The following RSPO3 variants were observed in gnomAD, a reference collection of about 807,000 sequenced individuals.
RSPO3 encodes the protein R-spondin 3, also known as R-spondin-3.
A neutral mutation model predicts 36.5 loss-of-function variants in RSPO3; 17 were observed. The ratio of observed to expected loss-of-function variants is 0.47; its 90% CI spans 0.32 to 0.70. RSPO3 has a LOEUF of 0.70. RSPO3 is among the 30% of genes least tolerant of loss of function. RSPO3 has a pLI of 0.04. For synonymous variants in RSPO3, 108 were observed against 107.0 expected (o/e 1.01, Z -0.06); for missense variants, 294 against 322.5 (o/e 0.91, Z 0.68).
intron 1 of RSPO3, among the ~76,000 whole-genome samples, chr6:127,139,689 C>G (rs1352599311): frequency 6.6e-6 from 1 of 152,088 alleles, no homozygotes; most frequent in Non-Finnish European, 1.5e-5. Context: ...ACTGTTGGAT[C>G]TGTCTTATGA....
chr6:127,146,370 A>G (rs1045068937), intron 1 of RSPO3, among the ~76,000 whole-genome samples: 3 of 152,130 alleles, frequency 2.0e-5, no homozygotes, highest in African/African-American at 7.2e-5. Flanking sequence ...TAAAAGTTTT[A>G]GAGACAGAGG....
intron 2 of RSPO3, 65 bp downstream of exon 2, chr6:127,148,904 C>A: frequency 1.7e-6 from 2 of 1,198,122 alleles, no homozygotes; most frequent in Non-Finnish European, 2.4e-6. Context: ...TTGAAATGGC[C>A]TCTAATATAT....
intron 1 of RSPO3, among the ~76,000 whole-genome samples, chr6:127,142,200 T>C (rs772064842): frequency 2.0e-4 from 30 of 152,182 alleles, no homozygotes; most frequent in Non-Finnish European, 4.3e-4. Context: ...ATTATATTTA[T>C]TCAGAAAATC....
chr6:127,174,034 A>C (rs1774996725), intron 4 of RSPO3, among the ~76,000 whole-genome samples: 1 of 151,890 alleles, frequency 6.6e-6, no homozygotes, highest in South Asian at 2.1e-4. Context: ...GATTTCCTTT[A>C]GCAGTATTAT....
rs73771623 is a variant in RSPO3 at position 127,187,534 on chromosome 6, T to C, written c.635-8289T>C. On this transcript the variant is annotated intron_variant, in intron 4 of 4. Transcript: ENST00000356698. Reference sequence around the variant, plus strand: ...ACAAGTAAGAATGAGAATAAATTTATATGCTTATTTAATAGATACAATTAT... The same window carrying C: ...ACAAGTAAGAATGAGAATAAATTTACATGCTTATTTAATAGATACAATTAT... Among the ~76,000 whole-genome samples, 824 of 152,254 alleles carry C rather than the reference T, an allele frequency of 5.4e-3. 6 individuals carry two copies. The highest frequency in any genetic ancestry group is 0.018 in the African/African-American group (753 of 41,572).
At chr6:127,157,385 C>A (rs1371980344) in intron 4 of RSPO3, among the ~76,000 whole-genome samples, 2 of 151,974 alleles carry the variant, frequency 1.3e-5, no homozygotes, top group South Asian at 2.1e-4. Flanking sequence ...CATTTTATTT[C>A]TTTTACTTGA....
At position 127,141,739 on chromosome 6, in the gene RSPO3, G is replaced by C. The variant is rs1331533019; in HGVS notation, c.98-6909G>C. ...ATTTAGTAGGATAAAAGATACAGTA[G>C]ACTCTATTATCCTAGCTGTTAAAGT... On this transcript the variant is annotated intron_variant, in intron 1 of 4. Coordinates refer to ENST00000356698, the MANE Select transcript of RSPO3 (RefSeq NM_032784.5). 5.9e-5 allele frequency among the ~76,000 whole-genome samples: 9 copies of C among 152,130 alleles called. No homozygotes were observed. The East Asian group carries it at 1.7e-3, about 29-fold the overall frequency.
chr6:127,150,697 TC>T (rs1582796102), intron 3 of RSPO3, 125 bp downstream of exon 3: 2 of 816,912 alleles, frequency 2.4e-6, no homozygotes, highest in Non-Finnish European at 3.7e-6. Flanking sequence ...GCTGTCTCCA[TC>T]CTTCTTTACA....
At chr6:127,138,359 T>C (rs1451660932) in intron 1 of RSPO3, among the ~76,000 whole-genome samples, 1 of 152,196 alleles carries the variant, frequency 6.6e-6, no homozygotes, top group Non-Finnish European at 1.5e-5. Context: ...CTGTGACTCC[T>C]ATTAAAGTCT....
chr6:127,194,948 G>A (rs372035608), intron 4 of RSPO3, among the ~76,000 whole-genome samples: 4 of 152,128 alleles, frequency 2.6e-5, no homozygotes, highest in African/African-American at 7.2e-5. Context: ...CACCCTGCAT[G>A]TAGAGAAATT....
intron 4 of RSPO3, among the ~76,000 whole-genome samples, chr6:127,168,359 A>G (rs1165126947): frequency 3.4e-5 from 4 of 118,914 alleles, no homozygotes; most frequent in Non-Finnish European, 5.9e-5. Flanking sequence ...GCCAGTGATG[A>G]TGAGCATTTT....
At chr6:127,185,605 T>C (rs1775277158) in intron 4 of RSPO3, among the ~76,000 whole-genome samples, 1 of 152,188 alleles carries the variant, frequency 6.6e-6, no homozygotes, top group South Asian at 2.1e-4. Flanking sequence ...TAAAATTGCA[T>C]GGAGTGAGAC....
Position 127,197,294 on chromosome 6 carries a change from C to A in RSPO3, c.*1287C>A. Reference sequence around the variant, plus strand: ...AACATTCTAATTATAGACACATGGGCCTCCCTAGCTGATTTCACTGCTCCC... The same window carrying A: ...AACATTCTAATTATAGACACATGGGACTCCCTAGCTGATTTCACTGCTCCC... On this transcript the variant is annotated 3_prime_UTR_variant, in exon 5 of 5. Transcript: ENST00000356698. 1.8e-6 allele frequency: 2 copies of A among 1,104,468 alleles called. No homozygotes were observed. The highest frequency in any genetic ancestry group is 2.5e-6 in the Non-Finnish European group (2 of 786,658). The allele number at this position is 1,104,468 out of a possible 1,614,324, so 68.4% of individuals were successfully genotyped here.
intron 4 of RSPO3, among the ~76,000 whole-genome samples, chr6:127,170,737 T>C (rs1774919487): frequency 6.6e-6 from 1 of 151,730 alleles, no homozygotes; most frequent in Non-Finnish European, 1.5e-5. Flanking sequence ...ACAGCATAGA[T>C]AAACCTTAAA....
chr6:127,157,433 T>C (rs967461968), intron 4 of RSPO3, among the ~76,000 whole-genome samples: 8 of 111,446 alleles, frequency 7.2e-5, no homozygotes, highest in African/African-American at 2.9e-4. Flanking sequence ...TTGGTAGCAC[T>C]TGACTTAAAC....
chr6:127,122,256 C>T (rs1773860621), intron 1 of RSPO3, among the ~76,000 whole-genome samples: 2 of 152,154 alleles, frequency 1.3e-5, no homozygotes, highest in African/African-American at 4.8e-5. Context: ...AGACAAGACC[C>T]TTGTACTTTA....
At chr6:127,173,184 C>T (rs888774544) in intron 4 of RSPO3, among the ~76,000 whole-genome samples, 19 of 151,840 alleles carry the variant, frequency 1.3e-4, no homozygotes, top group African/African-American at 4.3e-4. Context: ...TTTCTGTTTA[C>T]AACCATTTTG....
chr6:127,148,591 T>G lies in RSPO3; in HGVS notation c.98-57T>G. On this transcript the variant is annotated intron_variant, in intron 1 of 4. Transcript: ENST00000356698. ...GAACATATATCCTGCCCAGAAAATG[T>G]CATTTTTTTATCTGTGATTTAACCT... is the stretch of plus-strand genomic sequence containing the variant. The G allele has an allele frequency of 2.1e-6, 3 of 1,426,632 alleles. No individual in the cohort carries two copies. In the South Asian group the frequency reaches 4.2e-5, roughly 20 times the overall value. The allele number at this position is 1,426,632 out of a possible 1,614,324, so 88.4% of individuals were successfully genotyped here.
chr6:127,150,871 ATTAT>A (rs1395684218), intron 3 of RSPO3, among the ~76,000 whole-genome samples: 2 of 151,454 alleles, frequency 1.3e-5, no homozygotes, highest in Admixed American at 6.6e-5. Context: ...TTTTTATTTA[ATTAT>A]TTAATGAATT....
Sources: allele counts gnomAD v4.1 joint callset (sites outside exome capture counted in the v4.1 genomes callset), GRCh38; gene constraint gnomAD v4.1.1; transcripts MANE v1.5; gene names NCBI Gene and HGNC (gene_info 2026-07-23, HGNC 2026-07-21).